The following ZNF532 variants were observed in gnomAD, a reference collection of about 807,000 sequenced individuals.
ZNF532 encodes zinc finger protein 532.
A neutral mutation model predicts 89.3 loss-of-function variants in ZNF532; 22 were observed. The ratio of observed to expected loss-of-function variants is 0.25; its 90% CI spans 0.18 to 0.35. ZNF532 has a LOEUF of 0.35. ZNF532 is among the 10% of genes least tolerant of loss of function. ZNF532 has a pLI of 1.00. For missense variants in ZNF532, 1,132 were observed against 1,643.4 expected (o/e 0.69, Z 5.38); for synonymous variants, 606 against 649.6 (o/e 0.93, Z 1.02).
chr18:58,971,605 T>C (rs1456951085), intron 7 of ZNF532, among the ~76,000 whole-genome samples: 5 of 152,164 alleles, frequency 3.3e-5, no homozygotes, highest in Non-Finnish European at 7.3e-5. Context: ...AGAGAAAAAG[T>C]TGGTCGACTG....
chr18:58,880,771 C>CGTGTGTGTGTGTGTGTGT lies in ZNF532; in HGVS notation c.-18+15194_-18+15195insGTGTGTGTGTGTGTGTGT, dbSNP rs1555704786. On this transcript the variant is annotated intron_variant, in intron 2 of 9. Coordinates refer to ENST00000591808, the MANE Select transcript of ZNF532 (RefSeq NM_001375912.1). ...TCATAGGCGCGCGCGCACGCGCGCG[C>CGTGTGTGTGTGTGTGTGT]GTCTGTGTGTGTGTGTGTATGTTTG... Among the ~76,000 whole-genome samples, 1,815 of 145,322 alleles carry CGTGTGTGTGTGTGTGTGT rather than the reference C, an allele frequency of 0.012. 102 individuals carry two copies. In the East Asian group the frequency reaches 0.16, roughly 13 times the overall value.
At chr18:58,965,132 T>G (rs111831736) in intron 7 of ZNF532, among the ~76,000 whole-genome samples, 1 of 152,136 alleles carries the variant, frequency 6.6e-6, no homozygotes, top group African/African-American at 2.4e-5. Context: ...GAACTTTTTT[T>G]AATGTAAGGC....
intron 7 of ZNF532, among the ~76,000 whole-genome samples, chr18:58,962,548 T>A (rs2065459819): frequency 6.6e-6 from 1 of 151,810 alleles, no homozygotes; most frequent in Non-Finnish European, 1.5e-5. Context: ...CCCAGCACAC[T>A]TGGTGCTCAC....
At chr18:58,962,852 C>T (rs1451996363) in intron 7 of ZNF532, among the ~76,000 whole-genome samples, 1 of 152,020 alleles carries the variant, frequency 6.6e-6, no homozygotes, top group African/African-American at 2.4e-5. Flanking sequence ...CTGCCCGCCT[C>T]GGCCTCCCAA....
intron 5 of ZNF532, among the ~76,000 whole-genome samples, chr18:58,941,990 C>CCCTCCTTCCCTTCCTT (rs1555739645): frequency 4.0e-5 from 5 of 125,784 alleles, no homozygotes; most frequent in Non-Finnish European, 8.4e-5. Context: ...TTCCCTCCTT[C>CCCTCCTTCCCTTCCTT]CCTTCCTTCC....
rs535220633 is a variant in ZNF532, at chr18:58,975,539, G to T, written c.3151-3516G>T. Among the ~76,000 whole-genome samples the T allele has an allele frequency of 4.6e-5, 7 of 152,368 alleles. No individual in the cohort carries two copies. The South Asian group carries it at 8.3e-4, about 18-fold the overall frequency. On this transcript the variant is annotated intron_variant, in intron 7 of 9. Coordinates refer to ENST00000591808, the MANE Select transcript of ZNF532 (RefSeq NM_001375912.1). ...ACGTCCACCAAGTGCTCTCCGGGAAGAATGGCCTGCCAAGGCCGTACCATC... is the reference window on the plus strand; with the variant it reads ...ACGTCCACCAAGTGCTCTCCGGGAATAATGGCCTGCCAAGGCCGTACCATC...
intron 2 of ZNF532, among the ~76,000 whole-genome samples, chr18:58,917,536 C>T (rs545790666): frequency 1.5e-4 from 23 of 152,152 alleles, no homozygotes; most frequent in Non-Finnish European, 3.1e-4. Flanking sequence ...TTTAAAGATC[C>T]CTCAAGCACT....
chr18:58,964,250 A>T (rs1465058907), intron 7 of ZNF532: 4 of 152,218 alleles, frequency 2.6e-5, no homozygotes, highest in Non-Finnish European at 5.9e-5. Flanking sequence ...CCCTAGCAAC[A>T]GGTAAAAAAT....
chr18:58,925,776 G>C (rs1229797485), intron 3 of ZNF532, among the ~76,000 whole-genome samples: 1 of 152,180 alleles, frequency 6.6e-6, no homozygotes, highest in African/African-American at 2.4e-5. Context: ...TTGAGTTGAT[G>C]TTTGTATCAG....
intron 8 of ZNF532, chr18:58,980,318 A>G (rs1420455667): frequency 2.6e-5 from 4 of 152,278 alleles, no homozygotes; most frequent in Admixed American, 2.0e-4. Flanking sequence ...GATCTGGCCC[A>G]TAATGCTTCA....
At chr18:58,977,025 G>A (rs1443008319) in intron 7 of ZNF532, among the ~76,000 whole-genome samples, 2 of 152,142 alleles carry the variant, frequency 1.3e-5, no homozygotes, top group Non-Finnish European at 2.9e-5. Context: ...AAATCTTTAT[G>A]AGAGAATATT....
chr18:58,921,950 A>T (rs1470547472), intron 3 of ZNF532, among the ~76,000 whole-genome samples: 1 of 152,024 alleles, frequency 6.6e-6, no homozygotes, highest in Non-Finnish European at 1.5e-5. Flanking sequence ...TAACAAAAAT[A>T]CCAAACATTA....
intron 6 of ZNF532, among the ~76,000 whole-genome samples, chr18:58,950,763 G>A (rs1174504890): frequency 6.6e-6 from 1 of 152,058 alleles, no homozygotes; most frequent in Non-Finnish European, 1.5e-5. Context: ...AGGAGCTAAG[G>A]AAAAATCAAT....
chr18:58,890,228 G>GA (rs1379048690), intron 2 of ZNF532, among the ~76,000 whole-genome samples: 87 of 150,468 alleles, frequency 5.8e-4, no homozygotes, highest in African/African-American at 2.1e-3. Context: ...GCCTGGGGAG[G>GA]AAAAATATAT....
At chr18:58,948,995 T>A (rs1439193289) in intron 6 of ZNF532, among the ~76,000 whole-genome samples, 5 of 152,198 alleles carry the variant, frequency 3.3e-5, no homozygotes, top group African/African-American at 1.2e-4. Flanking sequence ...GCAGTTAGGT[T>A]TGCATTGTAA....
chr18:58,906,486 T>C (rs141733504), intron 2 of ZNF532, among the ~76,000 whole-genome samples: 121 of 152,240 alleles, frequency 7.9e-4, no homozygotes, highest in African/African-American at 2.8e-3. Flanking sequence ...ACTATAAGAT[T>C]CATTGGTAGG....
At chr18:58,930,150 G>A (rs965251809) in intron 3 of ZNF532, among the ~76,000 whole-genome samples, 2 of 152,106 alleles carry the variant, frequency 1.3e-5, no homozygotes, top group African/African-American at 4.8e-5. Flanking sequence ...CCTAAAATAT[G>A]AGCAAAAACA....
At chr18:58,956,746 T>C (rs1458519462) in intron 7 of ZNF532, among the ~76,000 whole-genome samples, 1 of 152,170 alleles carries the variant, frequency 6.6e-6, no homozygotes, top group Non-Finnish European at 1.5e-5. Flanking sequence ...TGTCTTTACC[T>C]CCACTCACCC....
At chr18:58,888,802 T>C (rs2058591580) in intron 2 of ZNF532, among the ~76,000 whole-genome samples, 1 of 58,870 alleles carries the variant, frequency 1.7e-5, no homozygotes, top group South Asian at 4.9e-4. Context: ...ATATAATTTA[T>C]ATATATAAAA....
Sources: allele counts gnomAD v4.1 joint callset (sites outside exome capture counted in the v4.1 genomes callset), GRCh38; gene constraint gnomAD v4.1.1; transcripts MANE v1.5; gene names NCBI Gene and HGNC (gene_info 2026-07-23, HGNC 2026-07-21).